SLC6A11: variants seen among roughly 807,000 people sequenced by gnomAD.
The protein encoded by SLC6A11 is sodium- and chloride-dependent GABA transporter 3.
Under a neutral mutation model 74.8 loss-of-function variants are expected in SLC6A11, and 25 were observed. The ratio of observed to expected loss-of-function variants is 0.33; its 90% CI spans 0.24 to 0.47. The LOEUF is 0.47. Ranked by LOEUF, SLC6A11 falls within the 20% of genes least tolerant of loss-of-function variation. SLC6A11 has a pLI of 1.00. For synonymous variants in SLC6A11, 330 were observed against 330.2 expected (o/e 1.00, Z 0.01); for missense variants, 574 against 837.0 (o/e 0.69, Z 3.88).
At chr3:10,892,939 G>A (rs1471705320) in intron 6 of SLC6A11, among the ~76,000 whole-genome samples, 2 of 152,164 alleles carry the variant, frequency 1.3e-5, no homozygotes, top group South Asian at 2.1e-4. Flanking sequence ...ATTCCTGGGT[G>A]TTAATCCAAG....
intron 5 of SLC6A11, among the ~76,000 whole-genome samples, chr3:10,850,096 A>G (rs1486071596): frequency 1.3e-5 from 2 of 152,216 alleles, no homozygotes; most frequent in Non-Finnish European, 2.9e-5. Context: ...TCCTTTATAG[A>G]CAAAATTTGT....
chr3:10,877,499 G>A (rs182580847), intron 6 of SLC6A11, among the ~76,000 whole-genome samples: 10 of 152,294 alleles, frequency 6.6e-5, no homozygotes, highest in South Asian at 2.1e-4. Flanking sequence ...GCCTTCCTGC[G>A]ATGCAGAGTC....
intron 4 of SLC6A11, among the ~76,000 whole-genome samples, chr3:10,834,960 A>G (rs1416809704): frequency 6.6e-6 from 1 of 152,100 alleles, no homozygotes; most frequent in Non-Finnish European, 1.5e-5. Context: ...CATTCCAAAA[A>G]CAGGTGACCA....
At chr3:10,829,106 TAGG>T (rs1694258028) in intron 4 of SLC6A11, among the ~76,000 whole-genome samples, 2 of 152,216 alleles carry the variant, frequency 1.3e-5, no homozygotes, top group African/African-American at 4.8e-5. Flanking sequence ...ACTTCTCCTG[TAGG>T]AAGCCCAGCC....
At chr3:10,871,927 A>G (rs935309983) in intron 5 of SLC6A11, among the ~76,000 whole-genome samples, 5 of 152,230 alleles carry the variant, frequency 3.3e-5, no homozygotes, top group Admixed American at 2.6e-4. Context: ...TGAATAAAAT[A>G]GTCCAGCCTT....
intron 7 of SLC6A11, among the ~76,000 whole-genome samples, chr3:10,914,031 T>C (rs1695422557): frequency 6.6e-6 from 1 of 152,220 alleles, no homozygotes; most frequent in Non-Finnish European, 1.5e-5. Flanking sequence ...TCCCAAGTCC[T>C]GTTCAGCATA....
At chr3:10,821,005 G>A (rs529253526) in intron 3 of SLC6A11, among the ~76,000 whole-genome samples, 3 of 152,290 alleles carry the variant, frequency 2.0e-5, no homozygotes, top group African/African-American at 7.2e-5. Flanking sequence ...CTGGCTTCTA[G>A]CCCTATGTGA....
At chr3:10,836,828 G>T (rs1409793444) in intron 4 of SLC6A11, among the ~76,000 whole-genome samples, 1 of 152,190 alleles carries the variant, frequency 6.6e-6, no homozygotes, top group East Asian at 1.9e-4. Context: ...GCAAACTACT[G>T]GCCAAATCCC....
intron 10 of SLC6A11, among the ~76,000 whole-genome samples, chr3:10,931,575 TTTA>T (rs1250058582): frequency 1.3e-5 from 2 of 152,182 alleles, no homozygotes; most frequent in East Asian, 3.9e-4. Flanking sequence ...CACTGTGTTT[TTTA>T]AAAACACGAA....
intron 9 of SLC6A11, among the ~76,000 whole-genome samples, chr3:10,928,509 G>A (rs1295864346): frequency 1.3e-5 from 2 of 152,186 alleles, no homozygotes; most frequent in African/African-American, 4.8e-5. Flanking sequence ...GTTAATGGGT[G>A]GGTAGGAACT....
intron 5 of SLC6A11, among the ~76,000 whole-genome samples, chr3:10,873,734 C>CCTATCCT (rs1559567075): frequency 2.6e-5 from 2 of 76,964 alleles, no homozygotes; most frequent in Non-Finnish European, 2.7e-5. Flanking sequence ...TATCCTATCC[C>CCTATCCT]GTCCCGTCCC....
intron 5 of SLC6A11, among the ~76,000 whole-genome samples, chr3:10,855,981 C>T (rs1369503653): frequency 6.6e-6 from 1 of 152,124 alleles, no homozygotes; most frequent in African/African-American, 2.4e-5. Context: ...TAGTGTGAGC[C>T]ACATGGGATG....
At chr3:10,908,057 A>G (rs1207768276) in intron 6 of SLC6A11, among the ~76,000 whole-genome samples, 2 of 152,130 alleles carry the variant, frequency 1.3e-5, no homozygotes, top group African/African-American at 4.8e-5. Flanking sequence ...TGTGAACTCT[A>G]GATTTCAAGG....
At position 10,844,202 on chromosome 3, in the gene SLC6A11, T is replaced by C; in HGVS notation, c.624-12T>C. The C allele has an allele frequency of 6.2e-7, 1 of 1,614,094 alleles. No homozygotes were observed. The highest frequency in any genetic ancestry group is 8.5e-7 in the Non-Finnish European group (1 of 1,179,998). On this transcript the variant is annotated splice_polypyrimidine_tract_variant and intron_variant, in intron 4 of 13. Coordinates refer to ENST00000254488, the MANE Select transcript of SLC6A11 (RefSeq NM_014229.3). ...CCCCAGCCCCAGTGACTCTCCACCC[T>C]CCCTTCTGCAGGCACCGGGTCCTGG... is the stretch of plus-strand genomic sequence containing the variant.
chr3:10,928,011 C>G (rs577742350), intron 9 of SLC6A11, among the ~76,000 whole-genome samples: 1 of 152,160 alleles, frequency 6.6e-6, no homozygotes, highest in Non-Finnish European at 1.5e-5. Context: ...CACTTATCGC[C>G]TGGGTGACCT....
chr3:10,876,691 A>G (rs1694910137), intron 6 of SLC6A11, among the ~76,000 whole-genome samples: 1 of 150,184 alleles, frequency 6.7e-6, no homozygotes, highest in Admixed American at 6.6e-5. Context: ...CTTATAATCA[A>G]AAAAGTTTGG....
intron 4 of SLC6A11, among the ~76,000 whole-genome samples, chr3:10,830,061 A>C (rs112965960): frequency 2.7e-5 from 4 of 149,638 alleles, no homozygotes; most frequent in African/African-American, 7.4e-5. Context: ...GGGAAGTAGG[A>C]AAAAAAAAAC....
At position 10,918,024 on chromosome 3, in the gene SLC6A11, G is replaced by A. The variant is rs1379040574; in HGVS notation, c.996-305G>A. ...CAGGGACTTGGAGGAGCGTCGGTGT[G>A]TTTCAGAGTATTTTCTCATTAGTTC... On this transcript the variant is annotated intron_variant, in intron 7 of 13. Coordinates refer to ENST00000254488, the MANE Select transcript of SLC6A11 (RefSeq NM_014229.3). The surrounding 1 kb of genome is among the most constrained non-coding windows in gnomAD (Gnocchi z 4.5). Among the ~76,000 whole-genome samples the A allele has an allele frequency of 1.3e-5, 2 of 152,148 alleles. No homozygotes were observed. The highest frequency in any genetic ancestry group is 2.9e-5 in the Non-Finnish European group (2 of 68,012).
chr3:10,911,263 A>C (rs143662998), intron 6 of SLC6A11, among the ~76,000 whole-genome samples: 29 of 152,338 alleles, frequency 1.9e-4, no homozygotes, highest in African/African-American at 6.5e-4. Flanking sequence ...ATACCTAAGC[A>C]TGAGTCTCAT....
Sources: gnomAD v4.1 joint callset for allele counts (sites outside exome capture counted in the v4.1 genomes callset) on GRCh38, gnomAD v4.1.1 for gene constraint, Gnocchi (gnomAD v3.1) non-coding constraint, MANE v1.5 for transcripts, NCBI Gene and HGNC (gene_info 2026-07-23, HGNC 2026-07-21) for gene names.